The following CHRNB1 variants were observed in gnomAD, a reference collection of about 807,000 sequenced individuals.
CHRNB1 encodes the protein acetylcholine receptor subunit beta.
A neutral mutation model predicts 53.8 loss-of-function variants in CHRNB1; 47 were observed. That is an observed-to-expected ratio of 0.87 (90% CI 0.69 to 1.11). The LOEUF (loss-of-function observed/expected upper bound fraction) is 1.11, where lower values mean the gene tolerates loss of function less well. CHRNB1 is among the 50% of genes most tolerant of loss of function. The probability of loss-of-function intolerance (pLI) is 0.00; values close to 1 mark genes in which losing one functional copy is unlikely to be tolerated. For missense variants in CHRNB1, 605 were observed against 654.9 expected (o/e 0.92, Z 0.83); for synonymous variants, 259 against 263.5 (o/e 0.98, Z 0.16).
intron 3 of CHRNB1, chr17:7,446,547 T>A: frequency 1.8e-6 from 1 of 543,566 alleles, no homozygotes. Context: ...CCCCATCCAC[T>A]AAAGGATTGC....
At chr17:7,451,666 C>A (rs1042168725) in intron 7 of CHRNB1, among the ~76,000 whole-genome samples, 6 of 152,212 alleles carry the variant, frequency 3.9e-5, no homozygotes, top group Middle Eastern at 3.4e-3. Context: ...GCCCAGGTGT[C>A]CAGGGCTCTC....
Position 7,445,070 on chromosome 17 carries a change from C to G in CHRNB1, c.-58C>G. 2 of 1,573,528 alleles carry G rather than the reference C, an allele frequency of 1.3e-6. No individual in the cohort carries two copies. The highest frequency in any genetic ancestry group is 1.7e-6 in the Non-Finnish European group (2 of 1,162,558). ...CATTCCCGGGCTCCTCGTCACTTCC[C>G]CTGTGCTGGCGGTCCCAGCGGCTCT... On this transcript the variant is annotated 5_prime_UTR_variant, in exon 1 of 11. Coordinates refer to ENST00000306071, the MANE Select transcript of CHRNB1 (RefSeq NM_000747.3). This position sits in a 1 kb window ranked among gnomAD's most constrained non-coding sequence, Gnocchi z 5.7.
chr17:7,456,454 G>T, intron 10 of CHRNB1, 129 bp from the exon 11 acceptor site: 1 of 1,200,888 alleles, frequency 8.3e-7, no homozygotes, highest in Non-Finnish European at 1.2e-6. Flanking sequence ...TCGCTCTCCT[G>T]TTGGCGCTGC....
rs764423909 is a variant in CHRNB1, at chr17:7,445,400, C to T, written c.189C>T (p.Leu63=). Residue 63 remains leucine, a synonymous_variant, in exon 2 of 11, where the codon CTC becomes CTT. Transcript: ENST00000306071. The surrounding 1 kb of genome is among the most constrained non-coding windows in gnomAD (Gnocchi z 5.7). ...RVSVGLILAQ[L]ISLNEKDEEM... is the part of the protein sequence containing the mutation. ...GCGTTGGTCTCATCCTGGCGCAACT[C>T]ATCAGCCTGGTGAGGGCGCGCGGGG... 4 of 1,612,020 alleles carry T rather than the reference C, an allele frequency of 2.5e-6. No homozygotes were observed. Among genetic ancestry groups the T allele is most frequent in the African/African-American group, 1.3e-5 (1 of 74,966 alleles).
chr17:7,446,956 C>T lies in CHRNB1; in HGVS notation c.353+14C>T. 1 of 1,295,256 alleles carries T rather than the reference C, an allele frequency of 7.7e-7. No homozygotes were observed. Among genetic ancestry groups the T allele is most frequent in the Non-Finnish European group, 1.1e-6 (1 of 906,736 alleles). 80.2% of individuals were successfully genotyped at this position (1,295,256 alleles called of 1,614,324 possible). On this transcript the variant is annotated intron_variant, in intron 4 of 10. Coordinates refer to ENST00000306071, the MANE Select transcript of CHRNB1 (RefSeq NM_000747.3). The stretch of plus-strand genomic sequence containing the variant: ...GCTACTGAACAAGTAGGAGAACTTC[C>T]AAAGCCCGGGAGGTGGCGCGGGGCC...
At chr17:7,449,147 A>C (rs1908783838) in intron 7 of CHRNB1, among the ~76,000 whole-genome samples, 1 of 139,072 alleles carries the variant, frequency 7.2e-6, no homozygotes, top group South Asian at 2.2e-4. Context: ...TCTGTCACCC[A>C]GACTGGAGTG....
At chr17:7,447,196 C>G in intron 5 of CHRNB1, 45 bp downstream of exon 5, 1 of 1,518,036 alleles carries the variant, frequency 6.6e-7, no homozygotes, top group African/African-American at 1.4e-5. Flanking sequence ...CTTACAAATC[C>G]TCCCTTTCCT....
At chr17:7,447,291 C>T in intron 5 of CHRNB1, 140 bp downstream of exon 5, 1 of 933,098 alleles carries the variant, frequency 1.1e-6, no homozygotes. Context: ...GTCTACCCTC[C>T]TGGTTTTCCA....
chr17:7,448,074 CAAAAAAAAAAAAAAAA>C (rs71157286), intron 6 of CHRNB1, among the ~76,000 whole-genome samples: 2 of 16,692 alleles, frequency 1.2e-4, no homozygotes, highest in East Asian at 2.9e-3. Context: ...AAGTTCGTCT[CAAAAAAAAAAAAAAAA>C]AAAAAAAAAA....
Position 7,447,560 on chromosome 17 carries a change from T to C in CHRNB1, c.520T>C (p.Tyr174His). Residue 174 changes from tyrosine to histidine, a missense_variant, in exon 6 of 11, where the codon TAC becomes CAC. Physicochemically the swap from Tyr to His is moderately conservative, Grantham distance 83 (BLOSUM62 2). Transcript: ENST00000306071. ...NCTMVFSSYS[Y>H]DSSEVSLQTG... ...CACTATGGTGTTCAGCTCCTACAGC[T>C]ACGACAGCTCGGAGGTCAGCCTGCA... 1 of 1,614,192 alleles carries C rather than the reference T, an allele frequency of 6.2e-7. No homozygotes were observed. The highest frequency in any genetic ancestry group is 8.5e-7 in the Non-Finnish European group (1 of 1,180,036).
At position 7,445,334 on chromosome 17, in the gene CHRNB1, C is replaced by G. The variant is rs745326511; in HGVS notation, c.123C>G (p.Ser41=). The part of the protein sequence containing the change: ...REKLFSGYDS[S]VRPAREVGDR... ...AACTTTTCTCTGGCTATGATAGCTC[C>G]GTGCGGCCAGCGCGGGAGGTGGGAG... The change falls in exon 2 of 11, where the codon TCC becomes TCG. Residue 41 remains serine (S), a synonymous_variant. Coordinates refer to ENST00000306071, the MANE Select transcript of CHRNB1 (RefSeq NM_000747.3). The surrounding 1 kb of genome is among the most constrained non-coding windows in gnomAD (Gnocchi z 5.7). The G allele has an allele frequency of 1.2e-6, 2 of 1,613,148 alleles. No individual in the cohort carries two copies. The highest frequency in any genetic ancestry group is 1.1e-5 in the South Asian group (1 of 91,048).
At position 7,456,925 on chromosome 17, in the gene CHRNB1, CT is replaced by C; in HGVS notation, c.*205del. The C allele has an allele frequency of 1.6e-6, 1 of 632,068 alleles. No individual in the cohort carries two copies. The highest frequency in any genetic ancestry group is 1.9e-5 in the South Asian group (1 of 51,502). The allele number at this position is 632,068 out of a possible 1,614,324, so 39.2% of individuals were successfully genotyped here. On this transcript the variant is annotated 3_prime_UTR_variant, in exon 11 of 11. Coordinates refer to ENST00000306071, the MANE Select transcript of CHRNB1 (RefSeq NM_000747.3). ...GAAATGCAGTATCATCTGATTTACT[CT>C]TTGGGATCTTGAAGAAGCTCTTTTG...
At chr17:7,452,250 G>A (rs138915063) in intron 7 of CHRNB1, among the ~76,000 whole-genome samples, 1 of 151,806 alleles carries the variant, frequency 6.6e-6, no homozygotes, top group African/African-American at 2.4e-5. Flanking sequence ...TAGAGATGGG[G>A]TTTCGCTATG....
intron 10 of CHRNB1, 76 bp downstream of exon 10, chr17:7,456,017 G>A: frequency 1.6e-6 from 2 of 1,264,834 alleles, no homozygotes; most frequent in Non-Finnish European, 2.2e-6. Context: ...ACCAGCACTC[G>A]CTTTCGTTTT....
Position 7,445,902 on chromosome 17 carries a change from T to C in CHRNB1, c.199-167T>C, listed in dbSNP as rs1908587651. 2 of 688,084 alleles carry C rather than the reference T, an allele frequency of 2.9e-6. No individual in the cohort carries two copies. The highest frequency in any genetic ancestry group is 5.3e-6 in the Non-Finnish European group (2 of 380,246). The allele number at this position is 688,084 out of a possible 1,614,324, so 42.6% of individuals were successfully genotyped here. On this transcript the variant is annotated intron_variant, in intron 2 of 10. Transcript: ENST00000306071. This position sits in a 1 kb window ranked among gnomAD's most constrained non-coding sequence, Gnocchi z 5.7. ...ACGGCAGGAAGAGGTGTTTCTGAGATAGAGGCAGGTCTTAAACTAACGCCG... is the reference window on the plus strand; with the variant it reads ...ACGGCAGGAAGAGGTGTTTCTGAGACAGAGGCAGGTCTTAAACTAACGCCG...
intron 7 of CHRNB1, among the ~76,000 whole-genome samples, chr17:7,453,015 GTC>G (rs1908942439): frequency 6.6e-6 from 1 of 152,214 alleles, no homozygotes. Flanking sequence ...CAGAGTGAGA[GTC>G]TGTCTAAAAA....
Position 7,445,880 on chromosome 17 carries a change from G to A in CHRNB1, c.199-189G>A. The A allele has an allele frequency of 1.5e-6, 1 of 654,152 alleles. No homozygotes were observed. Among genetic ancestry groups the A allele is most frequent in the East Asian group, 2.7e-5 (1 of 36,912 alleles). The allele number at this position is 654,152 out of a possible 1,614,324, so 40.5% of individuals were successfully genotyped here. A position where few individuals can be genotyped will look rare whatever the true frequency, so the allele number is the denominator to read the frequency against. On this transcript the variant is annotated intron_variant, in intron 2 of 10. Coordinates refer to ENST00000306071, the MANE Select transcript of CHRNB1 (RefSeq NM_000747.3). The surrounding 1 kb of genome is among the most constrained non-coding windows in gnomAD (Gnocchi z 5.7). ...GGTTGATAGGCTGGGAGTGTAGACG[G>A]CAGGAAGAGGTGTTTCTGAGATAGA...
chr17:7,450,755 G>C (rs74727927), intron 7 of CHRNB1, among the ~76,000 whole-genome samples: 24 of 152,288 alleles, frequency 1.6e-4, no homozygotes, highest in Non-Finnish European at 2.6e-4. Flanking sequence ...TAAGTCATTT[G>C]CCTGAAATCA....
chr17:7,451,270 T>C (rs1288199727), intron 7 of CHRNB1, among the ~76,000 whole-genome samples: 2 of 133,824 alleles, frequency 1.5e-5, no homozygotes, highest in Non-Finnish European at 3.1e-5. Flanking sequence ...TTTTCTTTTC[T>C]TTTCTTTTTT....
Sources: gnomAD v4.1 joint callset for allele counts (sites outside exome capture counted in the v4.1 genomes callset) on GRCh38, gnomAD v4.1.1 for gene constraint, Gnocchi (gnomAD v3.1) non-coding constraint, MANE v1.5 for transcripts, NCBI Gene and HGNC (gene_info 2026-07-23, HGNC 2026-07-21) for gene names.